The following KLHL28 variants were observed in gnomAD, a reference collection of about 807,000 sequenced individuals.
KLHL28 encodes kelch like family member 28.
KLHL28 carries 22 observed loss-of-function variants against 48.3 expected under a neutral mutation model. The observed-to-expected ratio is 0.46, with a 90% confidence interval of 0.33 to 0.65. The LOEUF is 0.65. Ranked by LOEUF, KLHL28 falls within the 30% of genes least tolerant of loss-of-function variation. The probability of loss-of-function intolerance (pLI) is 0.03; values close to 1 mark genes in which losing one functional copy is unlikely to be tolerated. For synonymous variants in KLHL28, 243 were observed against 242.4 expected, an observed-to-expected ratio of 1.00 and a Z score of -0.02; for missense variants, 527 against 704.3, an observed-to-expected ratio of 0.75 and a Z score of 2.85.
chr14:44,936,559 C>T (rs1032005967), intron 2 of KLHL28, among the ~76,000 whole-genome samples: 3 of 151,956 alleles, frequency 2.0e-5, no homozygotes, highest in African/African-American at 7.3e-5. Flanking sequence ...TTTAAGAGAG[C>T]AGAAGGTGTC....
intron 2 of KLHL28, among the ~76,000 whole-genome samples, chr14:44,937,927 T>A (rs974575000): frequency 1.3e-5 from 2 of 152,222 alleles, no homozygotes; most frequent in African/African-American, 4.8e-5. Context: ...AGAGGGTGGA[T>A]CCTTCAGGGT....
rs778068577 is a variant in KLHL28 at position 44,934,442 on chromosome 14, A to G, written c.1016T>C (p.Ile339Thr). The G allele has an allele frequency of 1.2e-6, 2 of 1,614,042 alleles. No individual in the cohort carries two copies. The highest frequency in any genetic ancestry group is 2.7e-5 in the African/African-American group (2 of 74,918). The change falls in exon 3 of 5, where the codon ATT becomes ACT. Residue 339 changes from isoleucine to threonine, a missense_variant. Physicochemically the swap from Ile to Thr is moderately conservative, Grantham distance 89. Transcript: ENST00000396128. ...GACGCCAGGACGCACATTAGTTGCA[A>G]TACCACCTATAACATATACTTTTTG... Reference protein sequence around the residue: ...LDQKVYVIGGIATNVRPGVTI... With the variant: ...LDQKVYVIGGTATNVRPGVTI...
At chr14:44,955,053 A>G (rs1050038798) in intron 1 of KLHL28, among the ~76,000 whole-genome samples, 3 of 152,160 alleles carry the variant, frequency 2.0e-5, no homozygotes, top group African/African-American at 7.2e-5. Context: ...AAAGCAAATG[A>G]GTAATGATAT....
chr14:44,931,426 G>A lies in KLHL28; in HGVS notation c.1459C>T (p.His487Tyr). The stretch of plus-strand genomic sequence containing the variant: ...CTGGACAAATGTGAGACTCCATTAT[G>A]TCCACCCACCACAAAAATAAAGCCT... ...MLGFIFVVGG[H>Y]NGVSHLSSIE... is the part of the protein sequence containing the mutation. Residue 487 changes from histidine (H) to tyrosine (Y), a missense_variant, in exon 4 of 5, where the codon CAT becomes TAT. Coordinates refer to ENST00000396128, the MANE Select transcript of KLHL28 (RefSeq NM_017658.5). The A allele has an allele frequency of 6.2e-7, 1 of 1,613,778 alleles. No individual in the cohort carries two copies. Among genetic ancestry groups the A allele is most frequent in the Non-Finnish European group, 8.5e-7 (1 of 1,179,848 alleles).
Position 44,925,560 on chromosome 14 carries a change from G to A in KLHL28, c.*3468C>T, listed in dbSNP as rs1232705800. ...ATTAGATTCATCCTTCACCAAAATA[G>A]TTATTAGGGTCTCTCCCACTATATT... On this transcript the variant is annotated 3_prime_UTR_variant, in exon 5 of 5. Coordinates refer to ENST00000396128, the MANE Select transcript of KLHL28 (RefSeq NM_017658.5). 6.6e-6 allele frequency: 1 copy of A among 151,990 alleles called. No individual in the cohort carries two copies. Among genetic ancestry groups the A allele is most frequent in the Non-Finnish European group, 1.5e-5 (1 of 67,940 alleles). The allele number at this position is 151,990 out of a possible 1,614,324, so 9.4% of individuals were successfully genotyped here.
intron 1 of KLHL28, among the ~76,000 whole-genome samples, chr14:44,956,015 C>T (rs979136812): frequency 4.6e-5 from 7 of 152,138 alleles, no homozygotes; most frequent in Non-Finnish European, 1.0e-4. Context: ...CCGGACGATG[C>T]TAATGTAGCA....
chr14:44,941,430 G>A (rs113613348), intron 2 of KLHL28, among the ~76,000 whole-genome samples: 15,423 of 151,600 alleles, frequency 0.1, 1,098 homozygotes, highest in African/African-American at 0.2. Flanking sequence ...TCAGGAGTTC[G>A]AGACCAGCCT....
intron 2 of KLHL28, among the ~76,000 whole-genome samples, chr14:44,944,220 AGT>A (rs1884225740): frequency 6.6e-6 from 1 of 152,268 alleles, no homozygotes; most frequent in South Asian, 2.1e-4. Flanking sequence ...AAAAGTTACT[AGT>A]ATAATGCACC....
Position 44,945,899 on chromosome 14 carries a change from A to G in KLHL28, c.30T>C (p.Leu10=). The change falls in exon 2 of 5, where the codon CTT becomes CTC. Residue 10 remains leucine, a synonymous_variant. Coordinates refer to ENST00000396128, the MANE Select transcript of KLHL28 (RefSeq NM_017658.5). ...CAGAATGCAAGTGGGTTAAGTTAGCAAGCATGTAGGTCGGGGATGTGTGGT... is the reference window on the plus strand; with the variant it reads ...CAGAATGCAAGTGGGTTAAGTTAGCGAGCATGTAGGTCGGGGATGTGTGGT... MDHTSPTYM[L]ANLTHLHSEQ... 1 of 1,613,716 alleles carries G rather than the reference A, an allele frequency of 6.2e-7. No homozygotes were observed. The highest frequency in any genetic ancestry group is 1.3e-5 in the African/African-American group (1 of 75,060).
chr14:44,954,207 G>A (rs1245361200), intron 1 of KLHL28, among the ~76,000 whole-genome samples: 1 of 152,068 alleles, frequency 6.6e-6, no homozygotes, highest in Non-Finnish European at 1.5e-5. Flanking sequence ...CAAAACCTCT[G>A]GAGGTAAATC....
At chr14:44,944,899 G>GA (rs969508167) in intron 2 of KLHL28, 131 bp downstream of exon 2, 22 of 669,060 alleles carry the variant, frequency 3.3e-5, no homozygotes, top group Non-Finnish European at 4.5e-5. Flanking sequence ...TTAGGAAGAA[G>GA]AAAAAAAACT....
At chr14:44,944,744 A>T (rs926006076) in intron 2 of KLHL28, among the ~76,000 whole-genome samples, 7 of 152,184 alleles carry the variant, frequency 4.6e-5, no homozygotes, top group Non-Finnish European at 1.0e-4. Flanking sequence ...TGGTTCCAGA[A>T]AGAAAAAAAG....
chr14:44,939,841 A>G (rs1292887480), intron 2 of KLHL28, among the ~76,000 whole-genome samples: 1 of 152,142 alleles, frequency 6.6e-6, no homozygotes. Flanking sequence ...CCAGACTCCT[A>G]CTTAAAATTC....
chr14:44,935,499 T>C (rs1051133811), intron 2 of KLHL28, among the ~76,000 whole-genome samples: 2 of 152,064 alleles, frequency 1.3e-5, no homozygotes, highest in Admixed American at 6.5e-5. Flanking sequence ...TCATACACTA[T>C]ATAACATATC....
chr14:44,942,759 T>C (rs1458541170), intron 2 of KLHL28, among the ~76,000 whole-genome samples: 3 of 152,220 alleles, frequency 2.0e-5, no homozygotes, highest in Non-Finnish European at 4.4e-5. Flanking sequence ...AACTTGTACA[T>C]GAAGTTCTCT....
intron 2 of KLHL28, among the ~76,000 whole-genome samples, chr14:44,944,318 A>T (rs1046475134): frequency 6.6e-6 from 1 of 152,210 alleles, no homozygotes; most frequent in Admixed American, 6.5e-5. Context: ...GAACACATCC[A>T]TGTTCATTCA....
At chr14:44,935,226 T>C (rs998715297) in intron 2 of KLHL28, among the ~76,000 whole-genome samples, 1 of 152,176 alleles carries the variant, frequency 6.6e-6, no homozygotes, top group African/African-American at 2.4e-5. Flanking sequence ...TTCAAAAGGA[T>C]ATCAATTAAG....
At chr14:44,951,985 A>G (rs1050554187) in intron 1 of KLHL28, among the ~76,000 whole-genome samples, 2 of 152,056 alleles carry the variant, frequency 1.3e-5, no homozygotes, top group African/African-American at 4.8e-5. Flanking sequence ...CAGCCTCCCA[A>G]GTAGCTGGGG....
intron 1 of KLHL28, among the ~76,000 whole-genome samples, chr14:44,949,322 A>G (rs1884476993): frequency 6.6e-6 from 1 of 152,140 alleles, no homozygotes; most frequent in Admixed American, 6.5e-5. Context: ...ATAATAAGAC[A>G]TGTTACAGAC....
Sources: gnomAD v4.1 joint callset for allele counts (sites outside exome capture counted in the v4.1 genomes callset) on GRCh38, gnomAD v4.1.1 for gene constraint, MANE v1.5 for transcripts, NCBI Gene and HGNC (gene_info 2026-07-23, HGNC 2026-07-21) for gene names.